The following NPAS3 variants were observed in gnomAD, a reference collection of about 807,000 sequenced individuals.
The protein encoded by NPAS3 is neuronal PAS domain protein 3.
Under a neutral mutation model 73.1 loss-of-function variants are expected in NPAS3, and 14 were observed. The ratio of observed to expected loss-of-function variants is 0.19; its 90% CI spans 0.13 to 0.30. NPAS3 has a LOEUF of 0.30. NPAS3 is among the 10% of genes least tolerant of loss of function. The probability of loss-of-function intolerance (pLI) is 1.00; values close to 1 mark genes in which losing one functional copy is unlikely to be tolerated. For synonymous variants in NPAS3, 620 were observed against 541.5 expected, an observed-to-expected ratio of 1.14 and a Z score of -2.01; for missense variants, 1,096 against 1,250.0, an observed-to-expected ratio of 0.88 and a Z score of 1.86.
intron 5 of NPAS3, among the ~76,000 whole-genome samples, chr14:33,605,226 A>G (rs1028662350): frequency 6.6e-6 from 1 of 152,004 alleles, no homozygotes; most frequent in Non-Finnish European, 1.5e-5. Context: ...ATCTACAAAA[A>G]ACCCTATAAC....
intron 1 of NPAS3, among the ~76,000 whole-genome samples, chr14:32,977,096 CATT>C (rs890914627): frequency 2.2e-5 from 3 of 133,574 alleles, no homozygotes; most frequent in Non-Finnish European, 4.8e-5. Context: ...AACGGCATAA[CATT>C]ATTTTTAAAA....
chr14:33,672,779 T>C (rs894407987), intron 5 of NPAS3, among the ~76,000 whole-genome samples: 2 of 152,170 alleles, frequency 1.3e-5, no homozygotes, highest in Admixed American at 1.3e-4. Context: ...CTTACAGCCC[T>C]GTTTCTACCA....
At chr14:33,004,207 G>A (rs1304437785) in intron 1 of NPAS3, among the ~76,000 whole-genome samples, 2 of 152,108 alleles carry the variant, frequency 1.3e-5, no homozygotes, top group African/African-American at 4.8e-5. Context: ...TAATCACGGG[G>A]ATACATTTTA....
chr14:33,079,608 C>CGT, intron 2 of NPAS3, among the ~76,000 whole-genome samples: 1 of 86,604 alleles, frequency 1.2e-5, no homozygotes, highest in Non-Finnish European at 2.4e-5. Flanking sequence ...ATGAGCCAGG[C>CGT]CTTTTTTTTT....
rs529392033 is a variant in NPAS3, at chr14:33,364,811, G to A, written c.386-2375G>A. Among the ~76,000 whole-genome samples, 7 of 150,874 alleles carry A rather than the reference G, an allele frequency of 4.6e-5. No individual in the cohort carries two copies. In the South Asian group the frequency reaches 1.3e-3, roughly 27 times the overall value. ...CCCCACTGAAGACAACAGCGTCTATGCTTTCAGAAGGCATTTGAGCAGCTT... is the reference window on the plus strand; with the variant it reads ...CCCCACTGAAGACAACAGCGTCTATACTTTCAGAAGGCATTTGAGCAGCTT... On this transcript the variant is annotated intron_variant, in intron 3 of 11. Coordinates refer to ENST00000356141, the Ensembl canonical transcript of NPAS3.
chr14:33,534,462 T>C (rs2054175548), intron 4 of NPAS3, among the ~76,000 whole-genome samples: 2 of 152,196 alleles, frequency 1.3e-5, no homozygotes, highest in Admixed American at 6.5e-5. Flanking sequence ...CTGGATACTA[T>C]AGAAACACGT....
chr14:32,999,307 T>C lies in NPAS3; in HGVS notation c.51-56598T>C, dbSNP rs747356780. On this transcript the variant is annotated intron_variant, in intron 1 of 11. Coordinates refer to ENST00000356141, the Ensembl canonical transcript of NPAS3. ...TGGGCAGATCACAAGGTCAGGAGATTGAGACCATCCTGGCTAACACGGTGA... is the reference window on the plus strand; with the variant it reads ...TGGGCAGATCACAAGGTCAGGAGATCGAGACCATCCTGGCTAACACGGTGA... Among the ~76,000 whole-genome samples the C allele has an allele frequency of 4.7e-4, 72 of 152,190 alleles. 1 individual carries two copies. The highest frequency in any genetic ancestry group is 3.4e-3 in the Middle Eastern group (1 of 294).
chr14:33,614,387 G>A (rs2057849330), intron 5 of NPAS3, among the ~76,000 whole-genome samples: 1 of 152,186 alleles, frequency 6.6e-6, no homozygotes, highest in Non-Finnish European at 1.5e-5. Flanking sequence ...CTATATTTGT[G>A]TAGAATATTG....
chr14:33,778,713 G>A (rs1369915603), intron 9 of NPAS3, 141 bp downstream of exon 9: 1 of 622,454 alleles, frequency 1.6e-6, no homozygotes, highest in Admixed American at 2.7e-5. Context: ...GAAAAAGTGA[G>A]ACATAAATCA....
At chr14:33,259,846 A>C (rs910505655) in intron 3 of NPAS3, among the ~76,000 whole-genome samples, 2 of 99,810 alleles carry the variant, frequency 2.0e-5, no homozygotes, top group African/African-American at 6.9e-5. Context: ...AATAATAAGC[A>C]GCAGCAGCAT....
intron 4 of NPAS3, among the ~76,000 whole-genome samples, chr14:33,448,541 G>C (rs953023277): frequency 6.6e-6 from 1 of 152,144 alleles, no homozygotes; most frequent in African/African-American, 2.4e-5. Flanking sequence ...AACTGTGCTT[G>C]ATACATAGCG....
chr14:33,320,898 A>G (rs2043414734), intron 3 of NPAS3, among the ~76,000 whole-genome samples: 1 of 152,116 alleles, frequency 6.6e-6, no homozygotes, highest in South Asian at 2.1e-4. Context: ...TTAGGAGATG[A>G]CAGTTTGAAG....
intron 4 of NPAS3, among the ~76,000 whole-genome samples, chr14:33,379,875 C>T (rs1566849195): frequency 6.6e-6 from 1 of 151,954 alleles, no homozygotes; most frequent in Non-Finnish European, 1.5e-5. Flanking sequence ...CCAAATTGAA[C>T]ACATAATTCA....
chr14:33,283,787 T>A (rs1041588346), intron 3 of NPAS3, among the ~76,000 whole-genome samples: 35 of 152,202 alleles, frequency 2.3e-4, no homozygotes, highest in African/African-American at 8.4e-4. Flanking sequence ...AAGAAAGTTG[T>A]TGTGGGCATC....
intron 7 of NPAS3, among the ~76,000 whole-genome samples, chr14:33,767,146 T>C (rs1002978244): frequency 2.0e-5 from 3 of 152,202 alleles, no homozygotes; most frequent in Admixed American, 2.0e-4. Context: ...TTTCAGGCCT[T>C]GTGCAAGGAA....
intron 3 of NPAS3, among the ~76,000 whole-genome samples, chr14:33,315,126 A>G (rs1218309549): frequency 6.6e-6 from 1 of 152,086 alleles, no homozygotes; most frequent in Non-Finnish European, 1.5e-5. Flanking sequence ...CTTGGAGGAA[A>G]TAATTGAAGC....
intron 5 of NPAS3, among the ~76,000 whole-genome samples, chr14:33,568,677 T>C (rs1431103382): frequency 6.6e-6 from 1 of 152,192 alleles, no homozygotes; most frequent in Non-Finnish European, 1.5e-5. Context: ...TCAATCTATA[T>C]TGGGTTTTAG....
intron 4 of NPAS3, among the ~76,000 whole-genome samples, chr14:33,405,658 C>T (rs1308407510): frequency 2.6e-5 from 4 of 152,044 alleles, no homozygotes; most frequent in African/African-American, 9.7e-5. Context: ...AAACGTTAGC[C>T]TCTAGCAAAT....
intron 4 of NPAS3, among the ~76,000 whole-genome samples, chr14:33,540,824 A>G (rs1479107675): frequency 1.3e-5 from 2 of 152,196 alleles, no homozygotes; most frequent in East Asian, 1.9e-4. Context: ...GAGACTGTCT[A>G]TTGGGGAAAA....
Sources: gnomAD v4.1 joint callset for allele counts (sites outside exome capture counted in the v4.1 genomes callset) on GRCh38, gnomAD v4.1.1 for gene constraint, MANE v1.5 for transcripts, NCBI Gene and HGNC (gene_info 2026-07-23, HGNC 2026-07-21) for gene names.